ACTR3: variants seen among roughly 807,000 people sequenced by gnomAD.
ACTR3 encodes the protein actin-related protein 3.
A neutral mutation model predicts 56.8 loss-of-function variants in ACTR3; 12 were observed. That is an observed-to-expected ratio of 0.21 (90% CI 0.14 to 0.34). ACTR3 has a LOEUF of 0.34. Ranked by LOEUF, ACTR3 falls within the 10% of genes least tolerant of loss-of-function variation. ACTR3 has a pLI of 1.00. For missense variants in ACTR3, 282 were observed against 512.5 expected, an observed-to-expected ratio of 0.55 and a Z score of 4.34; for synonymous variants, 162 against 167.4, an observed-to-expected ratio of 0.97 and a Z score of 0.25.
intron 1 of ACTR3, among the ~76,000 whole-genome samples, chr2:113,901,420 A>C (rs9677951): frequency 0.073 from 11,195 of 152,326 alleles, 462 homozygotes; most frequent in African/African-American, 0.1. Flanking sequence ...TATGACGAAA[A>C]CTGGGTAAGC....
At chr2:113,933,216 A>G (rs1457950614) in intron 5 of ACTR3, among the ~76,000 whole-genome samples, 1 of 152,142 alleles carries the variant, frequency 6.6e-6, no homozygotes, top group Non-Finnish European at 1.5e-5. Flanking sequence ...TACCTTAAAA[A>G]AATTTGAAGG....
At chr2:113,947,362 T>A (rs1680039826) in intron 8 of ACTR3, among the ~76,000 whole-genome samples, 1 of 152,176 alleles carries the variant, frequency 6.6e-6, no homozygotes, top group African/African-American at 2.4e-5. Context: ...CTTAAAAACC[T>A]TGAAGTAGGC....
At chr2:113,893,328 C>T (rs1285057056) in intron 1 of ACTR3, among the ~76,000 whole-genome samples, 2 of 151,174 alleles carry the variant, frequency 1.3e-5, no homozygotes, top group African/African-American at 2.4e-5. Flanking sequence ...GGAGTCTTGC[C>T]CTGTCGCTGG....
intron 3 of ACTR3, among the ~76,000 whole-genome samples, chr2:113,925,175 G>T (rs1164982275): frequency 6.8e-6 from 1 of 146,972 alleles, no homozygotes; most frequent in African/African-American, 2.5e-5. Context: ...GGGATTACAG[G>T]CGTGAGCCAT....
intron 4 of ACTR3, among the ~76,000 whole-genome samples, chr2:113,928,704 T>G (rs200650595): frequency 0.12 from 4 of 34 alleles, no homozygotes; most frequent in Non-Finnish European, 0.21. Context: ...TTCCAATAAA[T>G]TTTTTTTTTT....
At chr2:113,942,948 A>G (rs971231212) in intron 8 of ACTR3, among the ~76,000 whole-genome samples, 2 of 152,200 alleles carry the variant, frequency 1.3e-5, no homozygotes, top group African/African-American at 4.8e-5. Context: ...TACTCTGCTT[A>G]TTTAATGTTA....
At chr2:113,913,693 T>C (rs1421073993) in intron 2 of ACTR3, among the ~76,000 whole-genome samples, 3 of 152,226 alleles carry the variant, frequency 2.0e-5, no homozygotes, top group Non-Finnish European at 4.4e-5. Context: ...ATCTCACCTT[T>C]AGAGATGTTG....
intron 8 of ACTR3, among the ~76,000 whole-genome samples, chr2:113,950,637 G>A (rs1680104474): frequency 6.6e-6 from 1 of 152,144 alleles, no homozygotes; most frequent in Non-Finnish European, 1.5e-5. Context: ...GGACTTAACG[G>A]GTTTTTCCTC....
At chr2:113,949,079 C>G (rs1161266291) in intron 8 of ACTR3, among the ~76,000 whole-genome samples, 1 of 108,428 alleles carries the variant, frequency 9.2e-6, no homozygotes, top group Non-Finnish European at 1.7e-5. Context: ...TAGAACTAAT[C>G]TTAAAAACTG....
intron 1 of ACTR3, among the ~76,000 whole-genome samples, chr2:113,893,899 C>G (rs573865294): frequency 6.6e-6 from 1 of 152,180 alleles, no homozygotes; most frequent in African/African-American, 2.4e-5. Flanking sequence ...AAAATGTAAG[C>G]TTAAATATCT....
intron 3 of ACTR3, among the ~76,000 whole-genome samples, chr2:113,924,758 T>C (rs13430723): frequency 5.3e-4 from 81 of 152,062 alleles, no homozygotes; most frequent in African/African-American, 1.8e-3. Flanking sequence ...CACAAGTTCC[T>C]CCATACCTCT....
intron 6 of ACTR3, among the ~76,000 whole-genome samples, chr2:113,938,442 A>G (rs1438383331): frequency 6.6e-6 from 1 of 152,148 alleles, no homozygotes; most frequent in Non-Finnish European, 1.5e-5. Flanking sequence ...TTCCTGGGAC[A>G]TAGTTAAGAT....
chr2:113,890,175 G>T lies in ACTR3; in HGVS notation c.-105G>T. The T allele has an allele frequency of 6.8e-7, 1 of 1,462,788 alleles. No individual in the cohort carries two copies. Among genetic ancestry groups the T allele is most frequent in the Admixed American group, 2.0e-5 (1 of 50,650 alleles). 90.6% of individuals were successfully genotyped at this position (1,462,788 alleles called of 1,614,324 possible). On this transcript the variant is annotated 5_prime_UTR_variant, in exon 1 of 12. Coordinates refer to ENST00000263238, the MANE Select transcript of ACTR3 (RefSeq NM_005721.5). ...GGCTACCCCCCGGACGGTGAAGGCG[G>T]CCCAGCTGTGGATGGTCAGATAGCC... is the stretch of plus-strand genomic sequence containing the variant.
chr2:113,940,513 A>T (rs1267070294), intron 7 of ACTR3, among the ~76,000 whole-genome samples: 5 of 152,186 alleles, frequency 3.3e-5, no homozygotes, highest in African/African-American at 1.2e-4. Context: ...GCTATAGTAT[A>T]GAAGCAGTGC....
intron 6 of ACTR3, among the ~76,000 whole-genome samples, chr2:113,935,498 C>T (rs993393994): frequency 6.6e-6 from 1 of 152,202 alleles, no homozygotes; most frequent in African/African-American, 2.4e-5. Context: ...CTTAGCCGAA[C>T]ATTTTCAAGA....
At chr2:113,920,915 GT>G (rs1254455897) in intron 3 of ACTR3, among the ~76,000 whole-genome samples, 1 of 152,154 alleles carries the variant, frequency 6.6e-6, no homozygotes, top group Non-Finnish European at 1.5e-5. Context: ...ATTGTGAAGA[GT>G]ACTGCAATAA....
Position 113,931,262 on chromosome 2 carries a change from T to G in ACTR3, c.337-39T>G. 4 of 1,203,868 alleles carry G rather than the reference T, an allele frequency of 3.3e-6. No individual in the cohort carries two copies. In the East Asian group the frequency reaches 1.1e-4, roughly 32 times the overall value. 74.6% of individuals were successfully genotyped at this position (1,203,868 alleles called of 1,614,324 possible). On this transcript the variant is annotated intron_variant, in intron 4 of 11. Transcript: ENST00000263238. ...ATTGTCAAGAAAGTTATCAAAATAA[T>G]CTGATATTATCTATTTAAAATGTTA... is the stretch of plus-strand genomic sequence containing the variant.
upstream of ACTR3, chr2:113,889,970 C>T: frequency 1.9e-6 from 1 of 530,952 alleles, no homozygotes; most frequent in Non-Finnish European, 3.3e-6. Flanking sequence ...ATCTTGGCTT[C>T]CCGGGGAAAG....
At position 113,931,373 on chromosome 2, in the gene ACTR3, C is replaced by A. The variant is rs1187073093; in HGVS notation, c.409C>A (p.Pro137Thr). ...AATAATGTTTGAGTCCTTCAATGTT[C>A]CAGGCTTGTACATTGCTGTGCAGGT... is the stretch of plus-strand genomic sequence containing the variant. ...AEIMFESFNV[P>T]GLYIAVQAVL... Residue 137 changes from proline (P) to threonine (T), a missense_variant, in exon 5 of 12, where the codon CCA becomes ACA. By Grantham distance (38) the Pro-to-Thr change is conservative. Transcript: ENST00000263238. The A allele has an allele frequency of 6.3e-7, 1 of 1,599,734 alleles. No individual in the cohort carries two copies. The highest frequency in any genetic ancestry group is 1.1e-5 in the South Asian group (1 of 88,522).
Sources: gnomAD v4.1 joint callset for allele counts (sites outside exome capture counted in the v4.1 genomes callset) on GRCh38, gnomAD v4.1.1 for gene constraint, MANE v1.5 for transcripts, NCBI Gene and HGNC (gene_info 2026-07-23, HGNC 2026-07-21) for gene names.